The following WWTR1 variants were observed in gnomAD, a reference collection of about 807,000 sequenced individuals.
WWTR1 encodes WW domain containing transcription regulator 1.
In WWTR1, 13 loss-of-function variants were observed where a neutral mutation model predicts 40.1. The ratio of observed to expected loss-of-function variants is 0.32; its 90% confidence interval spans 0.21 to 0.52. WWTR1 has a LOEUF of 0.52. Among genes scored for constraint, WWTR1 ranks in the 20% least tolerant of loss-of-function variants. The probability of loss-of-function intolerance (pLI) is 0.97; values close to 1 mark genes in which losing one functional copy is unlikely to be tolerated. For missense variants in WWTR1, 436 were observed against 523.1 expected, an observed-to-expected ratio of 0.83 and a Z score of 1.63; for synonymous variants, 230 against 210.1, an observed-to-expected ratio of 1.09 and a Z score of -0.82.
At chr3:149,713,715 T>C (rs1017997510) in intron 5 of WWTR1, among the ~76,000 whole-genome samples, 38 of 152,306 alleles carry the variant, frequency 2.5e-4, no homozygotes, top group African/African-American at 6.5e-4. Context: ...TTATTTAACT[T>C]ATCTGAGCCA....
At chr3:149,670,965 T>A (rs548505525) in intron 1 of WWTR1, 2 of 152,218 alleles carry the variant, frequency 1.3e-5, no homozygotes, top group African/African-American at 4.8e-5. Context: ...GAGGAGGCCG[T>A]GCAAGAGAAT....
intron 2 of WWTR1, among the ~76,000 whole-genome samples, chr3:149,585,132 G>C (rs927739323): frequency 6.6e-6 from 1 of 151,586 alleles, no homozygotes; most frequent in Non-Finnish European, 1.5e-5. Context: ...GTGTGTGTGT[G>C]TGTGTGTGTG....
chr3:149,597,354 T>C (rs1296247575), intron 2 of WWTR1, among the ~76,000 whole-genome samples: 1 of 142,672 alleles, frequency 7.0e-6, no homozygotes, highest in African/African-American at 2.7e-5. Flanking sequence ...CCCAGCACTT[T>C]GGAATGCCAA....
chr3:149,724,469 T>C (rs892634845), intron 3 of WWTR1, among the ~76,000 whole-genome samples: 3 of 149,926 alleles, frequency 2.0e-5, no homozygotes, highest in Non-Finnish European at 4.4e-5. Context: ...GAATAATTTT[T>C]ATACCGTCCA....
chr3:149,545,264 A>G (rs1040425601), intron 3 of WWTR1, among the ~76,000 whole-genome samples: 2 of 152,196 alleles, frequency 1.3e-5, no homozygotes, highest in African/African-American at 4.8e-5. Flanking sequence ...CAAAATCCAG[A>G]CATCCAGAAG....
intron 2 of WWTR1, among the ~76,000 whole-genome samples, chr3:149,612,438 A>C (rs938738171): frequency 1.3e-5 from 2 of 151,740 alleles, no homozygotes; most frequent in Non-Finnish European, 2.9e-5. Context: ...ATTATTTTGC[A>C]CTGGAAACCT....
chr3:149,656,421 G>A, intron 2 of WWTR1, among the ~76,000 whole-genome samples: 1 of 151,932 alleles, frequency 6.6e-6, no homozygotes, highest in South Asian at 2.1e-4. Flanking sequence ...TTCCCAAGAA[G>A]ATAGAAACTG....
chr3:149,571,507 TG>T (rs1212315091), intron 3 of WWTR1, among the ~76,000 whole-genome samples: 2 of 152,216 alleles, frequency 1.3e-5, no homozygotes, highest in Non-Finnish European at 2.9e-5. Context: ...TTCTTTGATC[TG>T]CCCTTTAGAT....
intron 2 of WWTR1, among the ~76,000 whole-genome samples, chr3:149,652,018 AT>A (rs1712905636): frequency 1.4e-5 from 1 of 70,584 alleles, no homozygotes; most frequent in Non-Finnish European, 2.9e-5. Flanking sequence ...TTTTTTTTGT[AT>A]TTTTTAGTAG....
chr3:149,568,160 C>A (rs779236920), intron 3 of WWTR1, among the ~76,000 whole-genome samples: 1 of 151,930 alleles, frequency 6.6e-6, no homozygotes, highest in Non-Finnish European at 1.5e-5. Flanking sequence ...CTGAGATGGG[C>A]GGATTGCCTG....
chr3:149,601,142 C>CA (rs1560079281), intron 2 of WWTR1, among the ~76,000 whole-genome samples: 1 of 152,096 alleles, frequency 6.6e-6, no homozygotes, highest in Non-Finnish European at 1.5e-5. Context: ...TTTCCAAATT[C>CA]AAAAATGTAT....
At position 149,664,327 on chromosome 3, in the gene WWTR1, A is replaced by G. The variant is rs79608626; in HGVS notation, c.-4+5461T>C. On this transcript the variant is annotated intron_variant, in intron 2 of 7. Coordinates refer to the WWTR1 transcript ENST00000465804. The stretch of plus-strand genomic sequence containing the variant: ...AGAAAACTATTGAATAAGGTTCAAC[A>G]TGAGGATAAGAGTTGACCAGTTCCT... Among the ~76,000 whole-genome samples the G allele has an allele frequency of 2.2e-3, 331 of 152,376 alleles. 1 individual carries two copies. Among genetic ancestry groups the G allele is most frequent in the East Asian group, 7.1e-3 (37 of 5,190 alleles).
At chr3:149,699,548 C>T (rs369292862) in intron 1 of WWTR1, among the ~76,000 whole-genome samples, 1 of 152,148 alleles carries the variant, frequency 6.6e-6, no homozygotes, top group East Asian at 1.9e-4. Flanking sequence ...CTGCCTTGAC[C>T]TCCCAAAGTG....
intron 4 of WWTR1, among the ~76,000 whole-genome samples, chr3:149,718,632 C>T (rs1235124278): frequency 6.6e-6 from 1 of 152,182 alleles, no homozygotes; most frequent in Non-Finnish European, 1.5e-5. Flanking sequence ...AACAACAACT[C>T]ATTGCTCCCT....
At chr3:149,645,142 C>T (rs911189995) in intron 2 of WWTR1, among the ~76,000 whole-genome samples, 110 of 104,222 alleles carry the variant, frequency 1.1e-3, no homozygotes, top group African/African-American at 6.6e-4. Context: ...TGCAGTGGCG[C>T]GATCTCAGCT....
intron 1 of WWTR1, among the ~76,000 whole-genome samples, chr3:149,694,359 A>G (rs1170657781): frequency 1.3e-5 from 2 of 152,210 alleles, no homozygotes; most frequent in Non-Finnish European, 2.9e-5. Flanking sequence ...GCATCACTGC[A>G]CTCCAGCCTG....
At chr3:149,640,522 G>A (rs1169308078) in intron 2 of WWTR1, among the ~76,000 whole-genome samples, 1 of 152,078 alleles carries the variant, frequency 6.6e-6, no homozygotes, top group Non-Finnish European at 1.5e-5. Context: ...CCTGGTTCTA[G>A]TGAATCTCCT....
rs140173651 is a variant in WWTR1 at position 149,526,046 on chromosome 3, C to T, written c.985G>A (p.Asp329Asn). The T allele has an allele frequency of 8.7e-5, 140 of 1,607,828 alleles. No individual in the cohort carries two copies. The African/African-American group carries it at 1.4e-3, about 16-fold the overall frequency. ...ATCTCATCCACATTGCTGAGGAAGT[C>T]CTCCGGAGTTGTGGGGACACTGTAG... ...GCYSVPTTPE[D>N]FLSNVDEMDT... The change falls in exon 6 of 7, where the codon GAC (aspartate) becomes AAC (asparagine). Residue 329 changes from aspartate to asparagine, a missense_variant. By Grantham distance (23) the Asp-to-Asn change is conservative. Coordinates refer to ENST00000360632, the MANE Select transcript of WWTR1 (RefSeq NM_015472.6).
In WWTR1 at chr3:149,551,401, G is replaced by T. The variant is rs894854843; in HGVS notation, c.569-8864C>A. 5.5e-5 allele frequency among the ~76,000 whole-genome samples: 8 copies of T among 145,520 alleles called. 1 individual carries two copies. Among genetic ancestry groups the T allele is most frequent in the African/African-American group, 2.1e-4 (8 of 38,264 alleles). On this transcript the variant is annotated intron_variant, in intron 3 of 6. Coordinates refer to ENST00000360632, the MANE Select transcript of WWTR1 (RefSeq NM_015472.6). ...TATGCAACATTCAAAGGCATACACT[G>T]GGTAATACACTTGATATGGCATCTG...
Sources: gnomAD v4.1 joint callset for allele counts (sites outside exome capture counted in the v4.1 genomes callset) on GRCh38, gnomAD v4.1.1 for gene constraint, MANE v1.5 for transcripts, NCBI Gene and HGNC (gene_info 2026-07-23, HGNC 2026-07-21) for gene names.